EPHA4: variants seen among roughly 807,000 people sequenced by gnomAD.
The protein encoded by EPHA4 is ephrin type-A receptor 4.
EPHA4 carries 19 observed loss-of-function variants against 108.3 expected under a neutral mutation model. That is an observed-to-expected ratio of 0.18 (90% CI 0.12 to 0.26). The LOEUF (loss-of-function observed/expected upper bound fraction) is 0.26, where lower values mean the gene tolerates loss of function less well. Among genes scored for constraint, EPHA4 ranks in the 10% least tolerant of loss-of-function variants. The pLI is 1.00. For synonymous variants in EPHA4, 449 were observed against 455.5 expected (o/e 0.99, Z 0.18); for missense variants, 917 against 1,254.0 (o/e 0.73, Z 4.06).
At position 221,563,468 on chromosome 2, in the gene EPHA4, C is replaced by T. The variant is rs569940035; in HGVS notation, c.823+263G>A. 8.5e-5 allele frequency among the ~76,000 whole-genome samples: 13 copies of T among 152,274 alleles called. No homozygotes were observed. In the South Asian group the frequency reaches 2.7e-3, roughly 32 times the overall value. ...GCTTGTTCATTTACATTTCAGAGGG[C>T]GCATCAAGCCAGTTCAGATATAAGT... On this transcript the variant is annotated intron_variant, in intron 3 of 17. Transcript: ENST00000281821.
At chr2:221,511,226 C>CTT (rs1293482627) in intron 3 of EPHA4, among the ~76,000 whole-genome samples, 1 of 151,782 alleles carries the variant, frequency 6.6e-6, no homozygotes, top group African/African-American at 2.4e-5. Context: ...TTAAAGTGAA[C>CTT]TAAAAACGGC....
At chr2:221,531,581 C>T (rs912107695) in intron 3 of EPHA4, among the ~76,000 whole-genome samples, 1 of 152,072 alleles carries the variant, frequency 6.6e-6, no homozygotes, top group African/African-American at 2.4e-5. Context: ...AATAAGCACA[C>T]TTCTTTTTCA....
chr2:221,468,243 AG>A (rs1691373030), intron 5 of EPHA4, among the ~76,000 whole-genome samples: 1 of 151,874 alleles, frequency 6.6e-6, no homozygotes, highest in Non-Finnish European at 1.5e-5. Flanking sequence ...GAAAAAAAAA[AG>A]GCCCCCCAAA....
intron 3 of EPHA4, among the ~76,000 whole-genome samples, chr2:221,504,536 ATT>A (rs1194964748): frequency 5.9e-5 from 1 of 17,068 alleles, no homozygotes; most frequent in African/African-American, 3.0e-4. Flanking sequence ...CTATTTGAAA[ATT>A]TTATATATAT....
intron 2 of EPHA4, among the ~76,000 whole-genome samples, chr2:221,568,284 G>A (rs996510434): frequency 3.3e-5 from 5 of 152,132 alleles, no homozygotes; most frequent in African/African-American, 1.2e-4. Flanking sequence ...AGTTCATGCA[G>A]GTACAATTAG....
chr2:221,437,715 A>C (rs55690457), intron 11 of EPHA4, among the ~76,000 whole-genome samples: 34,117 of 148,884 alleles, frequency 0.23, 3,979 homozygotes, highest in Non-Finnish European at 0.25. Flanking sequence ...AGTTCGAGAC[A>C]AGCCTGGCCA....
intron 4 of EPHA4, among the ~76,000 whole-genome samples, chr2:221,496,520 CAAAGT>C (rs1266513344): frequency 6.6e-6 from 1 of 152,160 alleles, no homozygotes; most frequent in Non-Finnish European, 1.5e-5. Context: ...CTATTATCAG[CAAAGT>C]ATAGTCACTT....
chr2:221,546,242 C>CG (rs1559288229), intron 3 of EPHA4, among the ~76,000 whole-genome samples: 4 of 152,020 alleles, frequency 2.6e-5, no homozygotes. Context: ...GATCTAATTC[C>CG]GAAGGCTTAA....
chr2:221,489,149 C>T (rs1370260658), intron 4 of EPHA4, among the ~76,000 whole-genome samples: 1 of 152,158 alleles, frequency 6.6e-6, no homozygotes, highest in Non-Finnish European at 1.5e-5. Context: ...ACCCTATGTA[C>T]TCTACCTCAC....
chr2:221,477,642 GA>G (rs1691697754), intron 5 of EPHA4, among the ~76,000 whole-genome samples: 1 of 152,160 alleles, frequency 6.6e-6, no homozygotes, highest in Non-Finnish European at 1.5e-5. Context: ...GCAAGGCAAG[GA>G]ATTAGAGAGA....
chr2:221,509,726 G>C (rs985243461), intron 3 of EPHA4, among the ~76,000 whole-genome samples: 2 of 152,136 alleles, frequency 1.3e-5, no homozygotes, highest in Non-Finnish European at 2.9e-5. Flanking sequence ...ACAACAGCAA[G>C]AATGTAAGTA....
chr2:221,550,478 A>G lies in EPHA4; in HGVS notation c.823+13253T>C, dbSNP rs545933075. Among the ~76,000 whole-genome samples, 48 of 151,446 alleles carry G rather than the reference A, an allele frequency of 3.2e-4. No individual in the cohort carries two copies. The East Asian group carries it at 7.2e-3, about 23-fold the overall frequency. On this transcript the variant is annotated intron_variant, in intron 3 of 17. Coordinates refer to ENST00000281821, the MANE Select transcript of EPHA4 (RefSeq NM_004438.5). ...GAATGTAGACTAATGTCACCTGGAT[A>G]TTTATTAGAAATTCAAAATAAACAA... is the stretch of plus-strand genomic sequence containing the variant.
chr2:221,444,843 C>T (rs1303869729), intron 9 of EPHA4, among the ~76,000 whole-genome samples: 3 of 148,208 alleles, frequency 2.0e-5, no homozygotes, highest in Non-Finnish European at 3.0e-5. Flanking sequence ...CTGCAACCTC[C>T]GCCTCCTGGG....
intron 3 of EPHA4, among the ~76,000 whole-genome samples, chr2:221,551,816 T>A (rs372220054): frequency 5.3e-5 from 8 of 152,142 alleles, no homozygotes; most frequent in Non-Finnish European, 1.5e-5. Flanking sequence ...GATAATGTTT[T>A]CACTTCTCCA....
intron 8 of EPHA4, among the ~76,000 whole-genome samples, chr2:221,453,183 A>T (rs1464794396): frequency 2.0e-5 from 3 of 152,200 alleles, no homozygotes; most frequent in African/African-American, 7.2e-5. Context: ...TTCTGCAGAG[A>T]AGTGCTCTGA....
At chr2:221,461,706 A>C (rs1320234754) in intron 5 of EPHA4, among the ~76,000 whole-genome samples, 1 of 152,224 alleles carries the variant, frequency 6.6e-6, no homozygotes, top group Admixed American at 6.5e-5. Context: ...AGTACCACCA[A>C]ATACTTTAGC....
chr2:221,421,213 T>G (rs1689751240), intron 17 of EPHA4, among the ~76,000 whole-genome samples: 1 of 151,064 alleles, frequency 6.6e-6, no homozygotes. Context: ...AGGAGGAGAA[T>G]GGCGTGAACC....
intron 9 of EPHA4, 93 bp downstream of exon 9, chr2:221,446,030 T>C (rs1378946226): frequency 2.5e-5 from 17 of 689,370 alleles, no homozygotes; most frequent in Non-Finnish European, 3.6e-5. Context: ...TTATATAACA[T>C]TAATAGCCAC....
At chr2:221,436,962 G>T in intron 12 of EPHA4, 99 bp downstream of exon 12, 1 of 876,006 alleles carries the variant, frequency 1.1e-6, no homozygotes, top group Middle Eastern at 2.2e-4. Context: ...CCCATTAAAA[G>T]AAATCCACGA....
Sources: gnomAD v4.1 joint callset for allele counts (sites outside exome capture counted in the v4.1 genomes callset) on GRCh38, gnomAD v4.1.1 for gene constraint, MANE v1.5 for transcripts, NCBI Gene and HGNC (gene_info 2026-07-23, HGNC 2026-07-21) for gene names.